MACF1: variants seen among roughly 807,000 people sequenced by gnomAD.
The protein encoded by MACF1 is microtubule actin crosslinking factor 1.
In MACF1, 193 loss-of-function variants were observed where a neutral mutation model predicts 854.8. That is an observed-to-expected ratio of 0.23 (90% CI 0.20 to 0.25). The LOEUF is 0.25. Among genes scored for constraint, MACF1 ranks in the 10% least tolerant of loss-of-function variants. The pLI is 1.00. For synonymous variants in MACF1, 3,185 were observed against 3,226.7 expected, an observed-to-expected ratio of 0.99 and a Z score of 0.44; for missense variants, 7,722 against 8,929.1, an observed-to-expected ratio of 0.86 and a Z score of 5.45.
Position 39,430,693 on chromosome 1 carries a change from C to T in MACF1, c.17131-9C>T. 6.2e-7 allele frequency: 1 copy of T among 1,610,246 alleles called. No homozygotes were observed. The highest frequency in any genetic ancestry group is 1.1e-5 in the South Asian group (1 of 90,848). On this transcript the variant is annotated splice_polypyrimidine_tract_variant and intron_variant, in intron 65 of 100. Transcript: ENST00000564288. ...AAGGTATGGCCTGAAAACTCTTTTC[C>T]CTCCTTAGGAATTAAAGAAGGAGGT...
chr1:39,234,755 G>A (rs1644836592), intron 2 of MACF1, among the ~76,000 whole-genome samples: 10 of 129,814 alleles, frequency 7.7e-5, no homozygotes, highest in Admixed American at 1.6e-4. Context: ...CAGACGGGGC[G>A]GTTGCCAGGC....
chr1:39,265,050 C>T (rs1379822340), intron 6 of MACF1, among the ~76,000 whole-genome samples: 2 of 152,328 alleles, frequency 1.3e-5, no homozygotes, highest in East Asian at 3.9e-4. Flanking sequence ...CTAAAAGATA[C>T]TATAAACTCT....
At chr1:39,247,068 ATTTTTT>A (rs58410726) in intron 2 of MACF1, among the ~76,000 whole-genome samples, 7 of 93,508 alleles carry the variant, frequency 7.5e-5, no homozygotes, top group African/African-American at 1.3e-4. Flanking sequence ...TGCCCGGCTA[ATTTTTT>A]TTTTTTTTTT....
chr1:39,368,728 C>T (rs1648957122), intron 50 of MACF1, among the ~76,000 whole-genome samples: 1 of 152,266 alleles, frequency 6.6e-6, no homozygotes, highest in Middle Eastern at 3.4e-3. Context: ...TCTCGAACTC[C>T]TGACCTCAGG....
Position 39,350,829 on chromosome 1 carries a change from T to A in MACF1, c.11010T>A (p.Thr3670=). 6.2e-7 allele frequency: 1 copy of A among 1,614,068 alleles called. No individual in the cohort carries two copies. The highest frequency in any genetic ancestry group is 8.5e-7 in the Non-Finnish European group (1 of 1,179,956). The change falls in exon 43 of 101, where the codon ACT becomes ACA. Residue 3670 remains threonine (T), a synonymous_variant. Transcript: ENST00000564288. ...DIQNRATSFA[T]VVKDIEGFME... Reference sequence around the variant, plus strand: ...AGAATCGTGCCACCTCATTTGCCACTGTTGTCAAGGACATTGAGGGGTTCA... The same window carrying A: ...AGAATCGTGCCACCTCATTTGCCACAGTTGTCAAGGACATTGAGGGGTTCA...
chr1:39,377,443 A>G, intron 52 of MACF1, among the ~76,000 whole-genome samples: 1 of 152,134 alleles, frequency 6.6e-6, no homozygotes, highest in East Asian at 1.9e-4. Flanking sequence ...TCATTACCTC[A>G]CCTGATTTTT....
rs59961058 is a variant in MACF1, at chr1:39,401,938, G to A, written c.15816+13280G>A. Reference sequence around the variant, plus strand: ...TAATATTGAGGAGCAGGGGCTGGACGCAGTGGCTCACGCCCGTAATCCCAG... The same window carrying A: ...TAATATTGAGGAGCAGGGGCTGGACACAGTGGCTCACGCCCGTAATCCCAG... On this transcript the variant is annotated intron_variant, in intron 58 of 100. Transcript: ENST00000564288. Among the ~76,000 whole-genome samples, 662 of 152,270 alleles carry A rather than the reference G, an allele frequency of 4.3e-3. 5 individuals carry two copies. Among genetic ancestry groups the A allele is most frequent in the African/African-American group, 0.014 (600 of 41,572 alleles).
chr1:39,336,127 C>G lies in MACF1; in HGVS notation c.9539C>G (p.Pro3180Arg), dbSNP rs373420432. The change falls in exon 37 of 101, where the codon CCA (proline) becomes CGA (arginine). Residue 3180 changes from proline to arginine, a missense_variant. Physicochemically the swap from Pro to Arg is moderately radical, Grantham distance 103. Around this residue, in one of 15 missense-constraint regions of MACF1, gnomAD observed 854 missense variants for 852.6 expected, o/e 1.00. Transcript: ENST00000564288. ...TCATACCAAGAAGTATCTTTTGACCCAGCAAGAGGTCTTAAATTGGAAGAA... is the reference window on the plus strand; with the variant it reads ...TCATACCAAGAAGTATCTTTTGACCGAGCAAGAGGTCTTAAATTGGAAGAA... ...EKSYQEVSFD[P>R]ARGLKLEEIT... 6.2e-6 allele frequency: 10 copies of G among 1,614,098 alleles called. No individual in the cohort carries two copies. The highest frequency in any genetic ancestry group is 1.3e-5 in the African/African-American group (1 of 75,038).
intron 1 of MACF1, among the ~76,000 whole-genome samples, chr1:39,225,844 GA>G (rs1311041773): frequency 6.6e-6 from 1 of 152,132 alleles, no homozygotes; most frequent in Non-Finnish European, 1.5e-5. Flanking sequence ...TTAAACTAGG[GA>G]TTTATGTGCA....
At chr1:39,412,554 G>T (rs1643065105) in intron 58 of MACF1, 4 of 1,613,910 alleles carry the variant, frequency 2.5e-6, no homozygotes, top group East Asian at 2.2e-5. Context: ...TTCTGAGTCT[G>T]CACCTGCTGG....
At chr1:39,347,273 T>G (rs1192220280) in intron 41 of MACF1, 63 bp downstream of exon 41, 1 of 1,256,126 alleles carries the variant, frequency 8.0e-7, no homozygotes, top group African/African-American at 1.5e-5. Context: ...CATTGGGTTT[T>G]CTGGCCAGAC....
rs1447335843 is a variant in MACF1, at chr1:39,315,539, G to C, written c.3297G>C (p.Leu1099Phe). The C allele has an allele frequency of 6.2e-6, 10 of 1,613,978 alleles. No homozygotes were observed. The highest frequency in any genetic ancestry group is 8.5e-6 in the Non-Finnish European group (10 of 1,179,994). ...ACACCCAGGAGGATTTACAGCAATT[G>C]AGGTCAGACTTGGATGCAGTTTCTA... Reference protein sequence around the residue: ...QEHTQEDLQQLRSDLDAVSMK... With the variant: ...QEHTQEDLQQFRSDLDAVSMK... Residue 1099 changes from leucine to phenylalanine, a missense_variant, in exon 27 of 101, where the codon TTG becomes TTC. Coordinates refer to ENST00000564288, the MANE Select transcript of MACF1 (RefSeq NM_001394062.1).
chr1:39,410,854 G>A, intron 58 of MACF1: 3 of 1,614,054 alleles, frequency 1.9e-6, no homozygotes, highest in African/African-American at 1.3e-5. Context: ...TCTGGAACAT[G>A]TGTCCAAATC....
At chr1:39,208,516 C>T (rs1644478957) in intron 1 of MACF1, among the ~76,000 whole-genome samples, 1 of 151,900 alleles carries the variant, frequency 6.6e-6, no homozygotes. Flanking sequence ...TACAGTGGTA[C>T]GATGTTGGTT....
rs1351773417 is a variant in MACF1, at chr1:39,111,504, T to A, written c.220+27066T>A. ...TTCATGCCATTCTCCTGTCTCAGCC[T>A]CCCGAGTAGCTGGGACTACAGGCGC... is the stretch of plus-strand genomic sequence containing the variant. On this transcript the variant is annotated intron_variant, in intron 2 of 93. Coordinates refer to the MACF1 transcript ENST00000361689. Among the ~76,000 whole-genome samples, 4 of 152,180 alleles carry A rather than the reference T, an allele frequency of 2.6e-5. No individual in the cohort carries two copies. The East Asian group carries it at 5.8e-4, about 22-fold the overall frequency.
chr1:39,356,066 T>A (rs636158), intron 44 of MACF1, among the ~76,000 whole-genome samples: 4,665 of 152,224 alleles, frequency 0.031, 182 homozygotes, highest in African/African-American at 0.086. Flanking sequence ...AGTAGTGGCA[T>A]AAACAGTATA....
intron 23 of MACF1, among the ~76,000 whole-genome samples, chr1:39,307,486 C>T (rs769479267): frequency 2.0e-5 from 3 of 152,070 alleles, no homozygotes; most frequent in Non-Finnish European, 2.9e-5. Flanking sequence ...GATGCTGTAC[C>T]TTTGAGTCTT....
chr1:39,201,001 C>A (rs1013007509), upstream of MACF1, among the ~76,000 whole-genome samples: 7 of 152,114 alleles, frequency 4.6e-5, no homozygotes, highest in East Asian at 5.8e-4. Flanking sequence ...CCTGCCCCCC[C>A]AAAAAACAGA....
intron 58 of MACF1, among the ~76,000 whole-genome samples, chr1:39,397,237 G>A (rs747666183): frequency 8.6e-5 from 13 of 151,998 alleles, no homozygotes; most frequent in South Asian, 2.1e-4. Flanking sequence ...ATCATAACTC[G>A]AAACTATTGT....
Sources: allele counts gnomAD v4.1 joint callset (sites outside exome capture counted in the v4.1 genomes callset), GRCh38; gene constraint gnomAD v4.1.1; regional missense constraint gnomAD v4.1.1; transcripts MANE v1.5; gene names NCBI Gene and HGNC (gene_info 2026-07-23, HGNC 2026-07-21).